Variants in CXADR observed in about 807,000 individuals in gnomAD.
CXADR encodes the protein coxsackievirus and adenovirus receptor.
A neutral mutation model predicts 40.3 loss-of-function variants in CXADR; 20 were observed. The observed-to-expected ratio is 0.50, with a 90% CI of 0.35 to 0.72. The LOEUF (loss-of-function observed/expected upper bound fraction) is 0.72, where lower values mean the gene tolerates loss of function less well. Among genes scored for constraint, CXADR ranks in the 30% least tolerant of loss-of-function variants. The probability of loss-of-function intolerance (pLI) is 0.01; values close to 1 mark genes in which losing one functional copy is unlikely to be tolerated. For synonymous variants in CXADR, 150 were observed against 161.3 expected (o/e 0.93, Z 0.53); for missense variants, 332 against 449.1 (o/e 0.74, Z 2.36).
downstream of CXADR, among the ~76,000 whole-genome samples, chr21:17,571,274 A>G (rs541934511): frequency 3.5e-4 from 53 of 152,304 alleles, no homozygotes; most frequent in African/African-American, 1.3e-3. Flanking sequence ...CCTACTTCAC[A>G]GGGGATGTTG....
intron 1 of CXADR, among the ~76,000 whole-genome samples, chr21:17,520,011 A>G (rs1405781661): frequency 6.6e-6 from 1 of 152,086 alleles, no homozygotes; most frequent in Non-Finnish European, 1.5e-5. Context: ...ATGCACACAC[A>G]CACATATATA....
chr21:17,561,227 T>C (rs989417806), intron 5 of CXADR, 111 bp from the exon 6 acceptor site: 1 of 537,576 alleles, frequency 1.9e-6, no homozygotes, highest in Non-Finnish European at 2.7e-6. Context: ...CTAAATAATT[T>C]GTCTTAAAGT....
chr21:17,601,531 A>C, the CXADR span, among the ~76,000 whole-genome samples: 1 of 152,190 alleles, frequency 6.6e-6, no homozygotes, highest in African/African-American at 2.4e-5. Context: ...CTCTAAAACA[A>C]AACAAAACAA....
rs2061054746 is a variant in CXADR at position 17,557,756 on chromosome 21, A to T, written c.416-1220A>T. ...TCTATTCATGTGGTTCCAGAAGAAGAGCTAATCTACAGTGGTAGAATCTGA... is the reference window on the plus strand; with the variant it reads ...TCTATTCATGTGGTTCCAGAAGAAGTGCTAATCTACAGTGGTAGAATCTGA... On this transcript the variant is annotated intron_variant, in intron 3 of 6. Transcript: ENST00000284878. 4.0e-5 allele frequency among the ~76,000 whole-genome samples: 6 copies of T among 150,784 alleles called. No homozygotes were observed. In the Admixed American group the frequency reaches 4.0e-4, roughly 10 times the overall value.
At chr21:17,513,830 A>G (rs993736306) in intron 1 of CXADR, among the ~76,000 whole-genome samples, 4 of 152,218 alleles carry the variant, frequency 2.6e-5, no homozygotes, top group Non-Finnish European at 4.4e-5. Flanking sequence ...AAAATGTAGC[A>G]TTGGTTTCTG....
At chr21:17,589,331 T>G (rs1284198402) in intron 7 of CXADR, among the ~76,000 whole-genome samples, 1 of 152,130 alleles carries the variant, frequency 6.6e-6, no homozygotes, top group Non-Finnish European at 1.5e-5. Flanking sequence ...ACAATTTGAT[T>G]ATCACTGATG....
chr21:17,632,638 C>G, the CXADR span, among the ~76,000 whole-genome samples: 1 of 152,038 alleles, frequency 6.6e-6, no homozygotes, highest in Admixed American at 6.5e-5. Flanking sequence ...GAGGCCGAGG[C>G]GGGCGGATCA....
At chr21:17,556,722 A>G (rs1319469805) in intron 3 of CXADR, among the ~76,000 whole-genome samples, 1 of 152,230 alleles carries the variant, frequency 6.6e-6, no homozygotes, top group Non-Finnish European at 1.5e-5. Context: ...TGAAAAATAA[A>G]CAGATTTGTT....
the CXADR span, among the ~76,000 whole-genome samples, chr21:17,621,095 A>G: frequency 2.0e-5 from 3 of 152,222 alleles, no homozygotes; most frequent in African/African-American, 7.2e-5. Context: ...CTTAAAGTCA[A>G]CTGAGTATAA....
the CXADR span, chr21:17,599,236 C>T: frequency 1.2e-5 from 2 of 171,866 alleles, no homozygotes; most frequent in Non-Finnish European, 2.4e-5. Flanking sequence ...AGTGCAGTGG[C>T]ACAATCACAA....
At chr21:17,516,861 C>T (rs1600937080) in intron 1 of CXADR, among the ~76,000 whole-genome samples, 1 of 152,098 alleles carries the variant, frequency 6.6e-6, no homozygotes. Flanking sequence ...TATGTTAATT[C>T]CCTGGATTTA....
chr21:17,612,900 G>A, the CXADR span: 4 of 152,128 alleles, frequency 2.6e-5, no homozygotes, highest in East Asian at 7.8e-4. Flanking sequence ...GCGCACACGA[G>A]TGAGCGCAGC....
At chr21:17,520,399 A>G (rs1032377364) in intron 1 of CXADR, among the ~76,000 whole-genome samples, 1 of 152,168 alleles carries the variant, frequency 6.6e-6, no homozygotes, top group Non-Finnish European at 1.5e-5. Flanking sequence ...CTTACAAGGA[A>G]GTCTAGGTGG....
chr21:17,529,261 G>A (rs2123156667), intron 1 of CXADR, among the ~76,000 whole-genome samples: 1 of 152,004 alleles, frequency 6.6e-6, no homozygotes. Flanking sequence ...TCGAACTCCT[G>A]ACTTCGTGAT....
the CXADR span, among the ~76,000 whole-genome samples, chr21:17,620,896 A>G: frequency 6.6e-6 from 1 of 152,338 alleles, no homozygotes; most frequent in African/African-American, 2.4e-5. Flanking sequence ...TTCGAAATCT[A>G]CAGGGCAAGC....
At chr21:17,593,005 G>C in intron 7 of CXADR, 1 of 606,892 alleles carries the variant, frequency 1.6e-6, no homozygotes, top group Non-Finnish European at 2.4e-6. Context: ...AGCAAGTTGT[G>C]ATTTTTCTGG....
chr21:17,560,492 A>G (rs1569129216), intron 4 of CXADR, among the ~76,000 whole-genome samples: 1 of 152,172 alleles, frequency 6.6e-6, no homozygotes, highest in Non-Finnish European at 1.5e-5. Context: ...GCAGGGGATC[A>G]TGGTTACTTT....
chr21:17,611,165 T>C, the CXADR span, among the ~76,000 whole-genome samples: 1 of 152,232 alleles, frequency 6.6e-6, no homozygotes, highest in African/African-American at 2.4e-5. Context: ...GCTACGTTTA[T>C]ATTCCACCAC....
chr21:17,616,085 T>C, the CXADR span, among the ~76,000 whole-genome samples: 1 of 151,910 alleles, frequency 6.6e-6, no homozygotes, highest in Non-Finnish European at 1.5e-5. Context: ...ACCCCATCTC[T>C]ACTAAAAATA....
Sources: allele counts gnomAD v4.1 joint callset (sites outside exome capture counted in the v4.1 genomes callset), GRCh38; gene constraint gnomAD v4.1.1; transcripts MANE v1.5; gene names NCBI Gene and HGNC (gene_info 2026-07-23, HGNC 2026-07-21).